Variants in FGF12 observed in about 807,000 individuals in gnomAD.
FGF12 encodes the protein fibroblast growth factor 12.
FGF12 carries 14 observed loss-of-function variants against 23.6 expected under a neutral mutation model. The ratio of observed to expected loss-of-function variants is 0.59; its 90% CI spans 0.39 to 0.93. FGF12 has a LOEUF of 0.93. FGF12 is among the 40% of genes least tolerant of loss of function. The pLI, the probability that FGF12 is intolerant of heterozygous loss-of-function variation, is 0.00. For synonymous variants in FGF12, 62 were observed against 77.3 expected, an observed-to-expected ratio of 0.80 and a Z score of 1.04; for missense variants, 175 against 217.8, an observed-to-expected ratio of 0.80 and a Z score of 1.24.
intron 5 of FGF12, among the ~76,000 whole-genome samples, chr3:192,148,866 A>C (rs1030456652): frequency 2.0e-5 from 3 of 152,228 alleles, no homozygotes; most frequent in Admixed American, 2.0e-4. Flanking sequence ...TGTGCTGCCT[A>C]GTATAGCATC....
chr3:192,451,974 C>T (rs1021192920), intron 2 of FGF12, among the ~76,000 whole-genome samples: 2 of 152,060 alleles, frequency 1.3e-5, no homozygotes, highest in African/African-American at 2.4e-5. Context: ...ACATTTTCAG[C>T]ATTAATAGAT....
intron 2 of FGF12, among the ~76,000 whole-genome samples, chr3:192,464,998 G>T (rs1722971061): frequency 6.6e-6 from 1 of 152,116 alleles, no homozygotes; most frequent in African/African-American, 2.4e-5. Flanking sequence ...TCTTATTACA[G>T]ATCATGTATG....
intron 4 of FGF12, among the ~76,000 whole-genome samples, chr3:192,258,953 TC>T (rs1712577459): frequency 6.6e-6 from 1 of 152,298 alleles, no homozygotes; most frequent in East Asian, 1.9e-4. Flanking sequence ...CGTATATTTA[TC>T]CCCCTTATCT....
intron 4 of FGF12, among the ~76,000 whole-genome samples, chr3:192,280,143 T>C (rs770287781): frequency 6.6e-6 from 1 of 152,174 alleles, no homozygotes; most frequent in Non-Finnish European, 1.5e-5. Flanking sequence ...GGGTTATACA[T>C]AGATTCATTA....
At chr3:192,245,941 T>G (rs1228210867) in intron 4 of FGF12, among the ~76,000 whole-genome samples, 1 of 152,208 alleles carries the variant, frequency 6.6e-6, no homozygotes, top group Non-Finnish European at 1.5e-5. Context: ...AGTAGGACAA[T>G]TAAGTTTTAA....
At chr3:192,515,130 T>C (rs7619581) in intron 2 of FGF12, 15,371 of 152,220 alleles carry the variant, frequency 0.1, 2,475 homozygotes, top group African/African-American at 0.34. Flanking sequence ...CCCCTGCTCC[T>C]GCCCTCGGTG....
intron 5 of FGF12, among the ~76,000 whole-genome samples, chr3:192,165,582 G>A (rs1694963312): frequency 1.3e-5 from 2 of 151,230 alleles, no homozygotes; most frequent in African/African-American, 2.4e-5. Flanking sequence ...AAGAAGTGAT[G>A]CATTGTTAAT....
chr3:192,713,167 TA>T (rs1718750843), intron 2 of FGF12, among the ~76,000 whole-genome samples: 1 of 152,212 alleles, frequency 6.6e-6, no homozygotes, highest in Admixed American at 6.5e-5. Flanking sequence ...ATGCAACTAC[TA>T]AATACTGATC....
At chr3:192,665,597 G>A in intron 2 of FGF12, among the ~76,000 whole-genome samples, 1 of 151,230 alleles carries the variant, frequency 6.6e-6, no homozygotes, top group Admixed American at 6.6e-5. Flanking sequence ...CACACACGGG[G>A]GCCTTTTGGG....
chr3:192,658,290 C>A (rs1229113795), intron 2 of FGF12, among the ~76,000 whole-genome samples: 2 of 152,220 alleles, frequency 1.3e-5, no homozygotes, highest in African/African-American at 4.8e-5. Flanking sequence ...CTGAACCTGC[C>A]AGTGGTCAGG....
rs1299593753 is a variant in FGF12, at chr3:192,356,990, C to T, written c.124+3438G>A. Among the ~76,000 whole-genome samples the T allele has an allele frequency of 7.2e-5, 11 of 152,070 alleles. 1 individual carries two copies. Among genetic ancestry groups the T allele is most frequent in the Admixed American group, 5.9e-4 (9 of 15,258 alleles). The stretch of plus-strand genomic sequence containing the variant: ...GTGGGGAAAGTGTCAGAAGAAAGCA[C>T]ATTAGTTGAAAAACTGGTAACATTT... On this transcript the variant is annotated intron_variant, in intron 3 of 5. Transcript: ENST00000445105.
At chr3:192,515,501 G>T (rs1218867944) in intron 2 of FGF12, 2 of 152,560 alleles carry the variant, frequency 1.3e-5, no homozygotes, top group East Asian at 3.9e-4. Flanking sequence ...GGGGCTCTGT[G>T]TCCTTGGGTA....
chr3:192,644,039 G>T (rs1301239819), intron 2 of FGF12, among the ~76,000 whole-genome samples: 1 of 152,108 alleles, frequency 6.6e-6, no homozygotes, highest in Non-Finnish European at 1.5e-5. Flanking sequence ...AAAATATGAA[G>T]GTCTAAAAAA....
At chr3:192,244,242 T>C (rs1183447435) in intron 4 of FGF12, among the ~76,000 whole-genome samples, 4 of 152,150 alleles carry the variant, frequency 2.6e-5, no homozygotes, top group Non-Finnish European at 5.9e-5. Context: ...ATGTGCAGAA[T>C]ACTGATGTAT....
chr3:192,240,408 A>C (rs911646251), intron 4 of FGF12, among the ~76,000 whole-genome samples: 19 of 152,186 alleles, frequency 1.2e-4, no homozygotes, highest in African/African-American at 4.6e-4. Context: ...TTTTCTGATA[A>C]AATTATTATT....
intron 2 of FGF12, among the ~76,000 whole-genome samples, chr3:192,465,369 A>T (rs1442015209): frequency 6.6e-6 from 1 of 152,248 alleles, no homozygotes; most frequent in Admixed American, 6.5e-5. Context: ...ACATATGGAT[A>T]TAAGGTGAAT....
intron 2 of FGF12, among the ~76,000 whole-genome samples, chr3:192,600,096 T>A (rs1380527355): frequency 6.6e-6 from 1 of 152,152 alleles, no homozygotes; most frequent in East Asian, 1.9e-4. Flanking sequence ...AGTTCCATTC[T>A]TCTGCATATA....
At chr3:192,442,874 C>G (rs1266402665) in intron 2 of FGF12, among the ~76,000 whole-genome samples, 1 of 149,816 alleles carries the variant, frequency 6.7e-6, no homozygotes, top group Non-Finnish European at 1.5e-5. Context: ...GTGGCGCAGT[C>G]TCGGCTCACT....
chr3:192,424,662 T>A (rs1295675065), intron 2 of FGF12, among the ~76,000 whole-genome samples: 1 of 152,112 alleles, frequency 6.6e-6, no homozygotes, highest in Non-Finnish European at 1.5e-5. Context: ...AGATATGAAT[T>A]TGCCCTTGTC....
Sources: gnomAD v4.1 joint callset for allele counts (sites outside exome capture counted in the v4.1 genomes callset) on GRCh38, gnomAD v4.1.1 for gene constraint, MANE v1.5 for transcripts, NCBI Gene and HGNC (gene_info 2026-07-23, HGNC 2026-07-21) for gene names.